ADCYAP1: variants seen among roughly 807,000 people sequenced by gnomAD.
The protein encoded by ADCYAP1 is pituitary adenylate cyclase-activating polypeptide.
ADCYAP1 carries 6 observed loss-of-function variants against 18.5 expected under a neutral mutation model. That is an observed-to-expected ratio of 0.32 (90% confidence interval 0.18 to 0.64). The LOEUF is 0.64. ADCYAP1 is among the 30% of genes least tolerant of loss of function. The pLI is 0.77. For missense variants in ADCYAP1, 314 were observed against 253.6 expected, an observed-to-expected ratio of 1.24 and a Z score of -1.62; for synonymous variants, 136 against 113.9, an observed-to-expected ratio of 1.19 and a Z score of -1.24.
chr18:907,879 T>TA (rs1156941132), intron 3 of ADCYAP1, 89 bp downstream of exon 3: 27 of 569,332 alleles, frequency 4.7e-5, no homozygotes, highest in African/African-American at 6.9e-5. Context: ...CACCCAGGAT[T>TA]TTTTTTTTTT....
intron 4 of ADCYAP1, 44 bp downstream of exon 4, chr18:908,407 T>C (rs769120911): frequency 1.3e-6 from 2 of 1,551,728 alleles, no homozygotes; most frequent in Non-Finnish European, 1.8e-6. Context: ...CCGGGGTGGG[T>C]GCCTGTGCGG....
In ADCYAP1 at chr18:904,944, G is replaced by A; in HGVS notation, c.-118G>A. The A allele has an allele frequency of 2.3e-6, 3 of 1,290,666 alleles. No homozygotes were observed. The highest frequency in any genetic ancestry group is 3.0e-6 in the Non-Finnish European group (3 of 989,822). The allele number at this position is 1,290,666 out of a possible 1,614,324, so 80.0% of individuals were successfully genotyped here. A position where few individuals can be genotyped will look rare whatever the true frequency, so the allele number is the denominator to read the frequency against. On this transcript the variant is annotated 5_prime_UTR_variant, in exon 1 of 5. Coordinates refer to ENST00000450565, the MANE Select transcript of ADCYAP1 (RefSeq NM_001099733.2). The stretch of plus-strand genomic sequence containing the variant: ...CGCTGGTTCCTGCGGCTTCTGCTCA[G>A]ACACCAACGCCAGACGGCGATGCCT...
chr18:912,151 T>A lies in ADCYAP1; in HGVS notation c.*2516T>A, dbSNP rs1402920997. The A allele has an allele frequency of 6.6e-6, 1 of 152,236 alleles. No homozygotes were observed. Among genetic ancestry groups the A allele is most frequent in the Admixed American group, 6.5e-5 (1 of 15,286 alleles). 9.4% of individuals were successfully genotyped at this position (152,236 alleles called of 1,614,324 possible). A position where few individuals can be genotyped will look rare whatever the true frequency, so the allele number is the denominator to read the frequency against. On this transcript the variant is annotated 3_prime_UTR_variant, in exon 5 of 5. Transcript: ENST00000450565. ...ATAAAGTGTGTAAAATTTGTATGAA[T>A]AAATTTTTGTAAACAATGCAACTTG...
intron 1 of ADCYAP1, 99 bp from the exon 2 acceptor site, chr18:905,287 G>A: frequency 1.3e-6 from 2 of 1,531,146 alleles, no homozygotes; most frequent in Admixed American, 3.9e-5. Context: ...CCGGGGCTTC[G>A]CTCCGTCCCT....
chr18:907,341 C>T (rs986145118), intron 2 of ADCYAP1, among the ~76,000 whole-genome samples: 5 of 151,786 alleles, frequency 3.3e-5, no homozygotes, highest in African/African-American at 1.2e-4. Flanking sequence ...GGGAGGGGGG[C>T]GGTCCTTTTC....
Position 910,924 on chromosome 18 carries a change from C to A in ADCYAP1, c.*1289C>A, listed in dbSNP as rs1184262719. ...AGGCACTTATTGTAAATTTTAGAAA[C>A]CCCTCTGTAGCCACTAGTAAGTAAT... On this transcript the variant is annotated 3_prime_UTR_variant, in exon 5 of 5. Transcript: ENST00000450565. The A allele has an allele frequency of 2.0e-5, 3 of 151,874 alleles. No individual in the cohort carries two copies. The highest frequency in any genetic ancestry group is 6.6e-5 in the Admixed American group (1 of 15,258). 9.4% of individuals were successfully genotyped at this position (151,874 alleles called of 1,614,324 possible). A position where few individuals can be genotyped will look rare whatever the true frequency, so the allele number is the denominator to read the frequency against.
intron 2 of ADCYAP1, chr18:906,404 G>C (rs1174901130): frequency 6.6e-6 from 1 of 152,494 alleles, no homozygotes; most frequent in Non-Finnish European, 1.5e-5. Flanking sequence ...TTCTGCCTGC[G>C]AAGCTGCCTT....
At position 908,272 on chromosome 18, in the gene ADCYAP1, G is replaced by C; in HGVS notation, c.250G>C (p.Ala84Pro). The C allele has an allele frequency of 6.2e-7, 1 of 1,611,910 alleles. No individual in the cohort carries two copies. Among genetic ancestry groups the C allele is most frequent in the Non-Finnish European group, 8.5e-7 (1 of 1,179,126 alleles). The change falls in exon 4 of 5, where the codon GCC (alanine) becomes CCC (proline). Residue 84 changes from alanine (A) to proline (P), a missense_variant. Ala to Pro is a conservative substitution (Grantham distance 27, BLOSUM62 -1). Transcript: ENST00000450565. ...ACTTTGCCTCCCCGTTAGAGATGTCGCCCACGGGATCCTTAACGAGGCCTA... is the reference window on the plus strand; with the variant it reads ...ACTTTGCCTCCCCGTTAGAGATGTCCCCCACGGGATCCTTAACGAGGCCTA... ...WYRPAGRRDV[A>P]HGILNEAYRK... is the part of the protein sequence containing the mutation.
intron 3 of ADCYAP1, chr18:907,994 A>G (rs1909242710): frequency 9.9e-7 from 1 of 1,006,156 alleles, no homozygotes; most frequent in African/African-American, 1.7e-5. Flanking sequence ...CCGCGTGGGG[A>G]CCGAGGGGGG....
At chr18:904,861 AC>A, upstream of ADCYAP1, 1 of 1,286,618 alleles carries the variant, frequency 7.8e-7, no homozygotes, top group Non-Finnish European at 1.0e-6. Context: ...GCGTCTACAA[AC>A]TTTTGAGCAG....
At chr18:908,187 C>T in intron 3 of ADCYAP1, 78 bp from the exon 4 acceptor site, 1 of 1,323,750 alleles carries the variant, frequency 7.6e-7, no homozygotes. Context: ...AGGGGGCGCG[C>T]GCCCAACAAG....
Position 909,713 on chromosome 18 carries a change from C to T in ADCYAP1, c.*78C>T. On this transcript the variant is annotated 3_prime_UTR_variant, in exon 5 of 5. Transcript: ENST00000450565. ...TTTTCCAAACTGACTCAACAGTCAT[C>T]GCTCGTGTGTTCTATCCAAACATGT... The T allele has an allele frequency of 1.7e-5, 23 of 1,328,426 alleles. No homozygotes were observed. Among genetic ancestry groups the T allele is most frequent in the Non-Finnish European group, 2.2e-5 (21 of 948,696 alleles). 82.3% of individuals were successfully genotyped at this position (1,328,426 alleles called of 1,614,324 possible).
rs949056580 is a variant in ADCYAP1, at chr18:908,058, T to C, written c.243-207T>C. 1.5e-5 allele frequency: 10 copies of C among 681,808 alleles called. No homozygotes were observed. In the Admixed American group the frequency reaches 2.2e-4, roughly 15 times the overall value. The allele number at this position is 681,808 out of a possible 1,614,324, so 42.2% of individuals were successfully genotyped here. A position where few individuals can be genotyped will look rare whatever the true frequency, so the allele number is the denominator to read the frequency against. On this transcript the variant is annotated intron_variant, in intron 3 of 4. Transcript: ENST00000450565. ...CGTCAAGGAACCCACACTCCGCATC[T>C]GCCACTCCTAGAGCCGGGACTAGCT...
chr18:905,257 G>T, intron 1 of ADCYAP1, 129 bp from the exon 2 acceptor site: 1 of 1,498,654 alleles, frequency 6.7e-7, no homozygotes, highest in Non-Finnish European at 8.8e-7. Flanking sequence ...CTGTCGCCAA[G>T]TGCTGTTCAA....
intron 2 of ADCYAP1, among the ~76,000 whole-genome samples, chr18:907,354 T>C (rs1027485604): frequency 8.6e-5 from 13 of 150,790 alleles, no homozygotes; most frequent in Admixed American, 1.3e-4. Context: ...TCCTTTTCCG[T>C]AGACAGGTGT....
chr18:905,487 C>G lies in ADCYAP1; in HGVS notation c.101C>G (p.Pro34Arg). ...SSPAAAGLRFPGIRPEEEAYG... is the reference protein window; with the variant it reads ...SSPAAAGLRFRGIRPEEEAYG... ...CCTGCCGCCGCCGGACTCCGGTTCC[C>G]CGGGATCAGGTAGGTGCTGGCTGCC... Residue 34 changes from proline (P) to arginine (R), a missense_variant, in exon 2 of 5, where the codon CCC (proline) becomes CGC (arginine). Transcript: ENST00000450565. The G allele has an allele frequency of 6.2e-7, 1 of 1,607,282 alleles. No individual in the cohort carries two copies. The highest frequency in any genetic ancestry group is 8.5e-7 in the Non-Finnish European group (1 of 1,179,974).
rs974952933 is a variant in ADCYAP1, at chr18:909,915, A to C, written c.*280A>C. ...ATATATATATATATATAAAGTATAGAGAGAAGTTCATACAAAGCGTGCACA... is the reference window on the plus strand; with the variant it reads ...ATATATATATATATATAAAGTATAGCGAGAAGTTCATACAAAGCGTGCACA... On this transcript the variant is annotated 3_prime_UTR_variant, in exon 5 of 5. Transcript: ENST00000450565. The C allele has an allele frequency of 2.7e-5, 4 of 149,162 alleles. No individual in the cohort carries two copies. Among genetic ancestry groups the C allele is most frequent in the Non-Finnish European group, 4.4e-5 (3 of 67,850 alleles). 9.2% of individuals were successfully genotyped at this position (149,162 alleles called of 1,614,324 possible).
At chr18:905,632 G>T (rs1165406797) in intron 2 of ADCYAP1, 136 bp downstream of exon 2, 1 of 1,064,346 alleles carries the variant, frequency 9.4e-7, no homozygotes, top group Admixed American at 2.6e-5. Flanking sequence ...GCCTCCGCCA[G>T]CCTCGGCTGG....
intron 3 of ADCYAP1, 45 bp downstream of exon 3, chr18:907,835 G>C: frequency 7.1e-7 from 1 of 1,417,906 alleles, no homozygotes; most frequent in Non-Finnish European, 9.1e-7. Context: ...TGGGAGCTCG[G>C]GACTGCGGTG....
Sources: gnomAD v4.1 joint callset for allele counts (sites outside exome capture counted in the v4.1 genomes callset) on GRCh38, gnomAD v4.1.1 for gene constraint, MANE v1.5 for transcripts, NCBI Gene and HGNC (gene_info 2026-07-23, HGNC 2026-07-21) for gene names.